EYS: variants seen among roughly 807,000 people sequenced by gnomAD.
The protein encoded by EYS is EGF-like photoreceptor maintenance factor.
In EYS, 250 loss-of-function variants were observed where a neutral mutation model predicts 282.1. The ratio of observed to expected loss-of-function variants is 0.89; its 90% CI spans 0.80 to 0.98. EYS has a LOEUF of 0.98. EYS is among the 50% of genes least tolerant of loss of function. EYS has a pLI of 0.00. For synonymous variants in EYS, 1,355 were observed against 1,282.9 expected (o/e 1.06, Z -1.20); for missense variants, 4,016 against 3,709.0 (o/e 1.08, Z -2.15).
chr6:64,750,575 A>G (rs1772713994), intron 22 of EYS, among the ~76,000 whole-genome samples: 1 of 152,208 alleles, frequency 6.6e-6, no homozygotes, highest in Admixed American at 6.5e-5. Flanking sequence ...ATCTGCATAA[A>G]GCTGGATGGA....
At chr6:64,634,179 T>C (rs909913756) in intron 22 of EYS, among the ~76,000 whole-genome samples, 11 of 152,292 alleles carry the variant, frequency 7.2e-5, no homozygotes, top group Admixed American at 3.9e-4. Context: ...ACACAGGGTT[T>C]ACCCATGTTG....
At chr6:63,894,559 A>G (rs576537035) in intron 35 of EYS, among the ~76,000 whole-genome samples, 59 of 151,666 alleles carry the variant, frequency 3.9e-4, no homozygotes, top group Non-Finnish European at 2.2e-4. Flanking sequence ...GAGGGCATAA[A>G]ATCTGTTGTT....
intron 10 of EYS, among the ~76,000 whole-genome samples, chr6:65,343,492 T>A (rs925501253): frequency 6.6e-6 from 1 of 151,334 alleles, no homozygotes; most frequent in Non-Finnish European, 1.5e-5. Context: ...AAAAATATAA[T>A]CTTAATTTGT....
At chr6:65,251,039 GAAA>G (rs61504367) in intron 12 of EYS, among the ~76,000 whole-genome samples, 3 of 88,822 alleles carry the variant, frequency 3.4e-5, no homozygotes, top group African/African-American at 1.1e-4. Context: ...AATAACAACA[GAAA>G]AAAAAAAAAA....
intron 35 of EYS, among the ~76,000 whole-genome samples, chr6:63,905,614 G>A (rs951073529): frequency 3.3e-5 from 5 of 152,356 alleles, no homozygotes; most frequent in African/African-American, 9.6e-5. Context: ...ACAGGCGTAA[G>A]CCACCGCGCC....
intron 35 of EYS, among the ~76,000 whole-genome samples, chr6:63,977,970 G>A (rs943795489): frequency 6.6e-6 from 1 of 151,990 alleles, no homozygotes; most frequent in African/African-American, 2.4e-5. Context: ...TTGGATATGA[G>A]ACAGAAGTTT....
intron 22 of EYS, among the ~76,000 whole-genome samples, chr6:64,653,929 A>C (rs1447101348): frequency 6.6e-6 from 1 of 152,106 alleles, no homozygotes; most frequent in African/African-American, 2.4e-5. Context: ...TTTGATAATC[A>C]CAAAAAGTAG....
At chr6:65,510,396 T>C (rs1766823793) in intron 2 of EYS, among the ~76,000 whole-genome samples, 1 of 152,126 alleles carries the variant, frequency 6.6e-6, no homozygotes, top group Admixed American at 6.5e-5. Context: ...GTGCCAGATT[T>C]TCTTAATCCA....
chr6:64,871,793 T>C (rs2150054536), intron 19 of EYS, among the ~76,000 whole-genome samples: 1 of 152,180 alleles, frequency 6.6e-6, no homozygotes, highest in Non-Finnish European at 1.5e-5. Context: ...CAGAGTATTT[T>C]TGTAAATAGT....
At chr6:64,620,096 G>A (rs749370870) in intron 23 of EYS, among the ~76,000 whole-genome samples, 6 of 152,050 alleles carry the variant, frequency 3.9e-5, no homozygotes, top group Non-Finnish European at 7.4e-5. Context: ...TAAGCAAAAC[G>A]GACCTGAATA....
chr6:64,911,259 T>G (rs1767982849), intron 16 of EYS, among the ~76,000 whole-genome samples: 1 of 152,152 alleles, frequency 6.6e-6, no homozygotes, highest in African/African-American at 2.4e-5. Flanking sequence ...TTTTCGTTTT[T>G]TTCTTCTCTA....
At chr6:64,078,755 T>C (rs1317823342) in intron 32 of EYS, among the ~76,000 whole-genome samples, 1 of 152,080 alleles carries the variant, frequency 6.6e-6, no homozygotes. Flanking sequence ...TTGTAGGTCA[T>C]TGAATAAGGA....
At chr6:65,262,062 G>T (rs750849354) in intron 12 of EYS, among the ~76,000 whole-genome samples, 3 of 152,004 alleles carry the variant, frequency 2.0e-5, no homozygotes, top group Non-Finnish European at 1.5e-5. Context: ...ATCATGTTGA[G>T]ATTTATCCTG....
At chr6:63,780,703 G>C (rs191881150) in intron 39 of EYS, among the ~76,000 whole-genome samples, 2 of 152,112 alleles carry the variant, frequency 1.3e-5, no homozygotes, top group African/African-American at 4.8e-5. Flanking sequence ...TAGGTTGCCT[G>C]TTCACTCTGA....
chr6:64,993,089 T>G (rs1049093162), intron 14 of EYS, among the ~76,000 whole-genome samples: 3 of 152,068 alleles, frequency 2.0e-5, no homozygotes, highest in Admixed American at 6.6e-5. Context: ...GGAGCCAAGA[T>G]GAACTGTATA....
At chr6:63,993,328 A>G (rs1387412639) in intron 34 of EYS, among the ~76,000 whole-genome samples, 1 of 151,806 alleles carries the variant, frequency 6.6e-6, no homozygotes, top group Non-Finnish European at 1.5e-5. Context: ...AAAGAAAAAA[A>G]AAAGGAACAA....
At chr6:64,888,550 A>AATG (rs1446681924) in intron 18 of EYS, among the ~76,000 whole-genome samples, 1 of 152,020 alleles carries the variant, frequency 6.6e-6, no homozygotes, top group East Asian at 1.9e-4. Flanking sequence ...TGTCATGTGC[A>AATG]ATGGGATACT....
intron 30 of EYS, among the ~76,000 whole-genome samples, chr6:64,260,541 T>C (rs1263860831): frequency 6.6e-6 from 1 of 152,078 alleles, no homozygotes; most frequent in Non-Finnish European, 1.5e-5. Flanking sequence ...TGTTAGAATT[T>C]TGACAGGACT....
chr6:65,413,092 G>A (rs944782370), intron 5 of EYS, among the ~76,000 whole-genome samples: 1 of 152,056 alleles, frequency 6.6e-6, no homozygotes, highest in African/African-American at 2.4e-5. Flanking sequence ...TCCATGTTAT[G>A]CTTCAGAAAC....
Sources: gnomAD v4.1 joint callset for allele counts (sites outside exome capture counted in the v4.1 genomes callset) on GRCh38, gnomAD v4.1.1 for gene constraint, MANE v1.5 for transcripts, NCBI Gene and HGNC (gene_info 2026-07-23, HGNC 2026-07-21) for gene names.